Variants in PAMR1 observed in about 807,000 individuals in gnomAD.
PAMR1 encodes the protein inactive serine protease PAMR1.
In PAMR1, 88 loss-of-function variants were observed where a neutral mutation model predicts 81.8. The ratio of observed to expected loss-of-function variants is 1.08; its 90% CI spans 0.91 to 1.28. PAMR1 has a LOEUF of 1.28. Among genes scored for constraint, PAMR1 ranks in the 50% most tolerant of loss-of-function variants. The probability of loss-of-function intolerance (pLI) is 0.00; values close to 1 mark genes in which losing one functional copy is unlikely to be tolerated. For missense variants in PAMR1, 935 were observed against 919.7 expected (o/e 1.02, Z -0.21); for synonymous variants, 336 against 345.3 (o/e 0.97, Z 0.30).
Position 35,492,028 on chromosome 11 carries a change from G to C in PAMR1, c.379+17C>G. 1 of 1,604,532 alleles carries C rather than the reference G, an allele frequency of 6.2e-7. No individual in the cohort carries two copies. Among genetic ancestry groups the C allele is most frequent in the Non-Finnish European group, 8.5e-7 (1 of 1,175,270 alleles). On this transcript the variant is annotated intron_variant, in intron 3 of 10. Coordinates refer to ENST00000619888, the MANE Select transcript of PAMR1 (RefSeq NM_001001991.3). ...ACAGTGTGCACTAGAGATGGAGCTA[G>C]GTCAAGGTCTACTTACGCATGCAGT... is the stretch of plus-strand genomic sequence containing the variant.
rs778375596 is a variant in PAMR1, at chr11:35,441,506, T to C, written c.1008A>G (p.Ser336=). The change falls in exon 7 of 11, where the codon TCA becomes TCG. Residue 336 remains serine, a synonymous_variant. Transcript: ENST00000619888. ...KRTCQQNGEW[S]GKQPICIKAC... is the part of the protein sequence containing the mutation. ...CTTTTATGCAGATGGGCTGTTTCCC[T>C]GACCACTCTCCATTCTGCTGGCAAG... 1 of 1,612,978 alleles carries C rather than the reference T, an allele frequency of 6.2e-7. No individual in the cohort carries two copies. The highest frequency in any genetic ancestry group is 2.2e-5 in the East Asian group (1 of 44,884).
chr11:35,451,587 T>C (rs1252882062), intron 6 of PAMR1, among the ~76,000 whole-genome samples: 1 of 152,206 alleles, frequency 6.6e-6, no homozygotes. Flanking sequence ...ATTATTTGGT[T>C]TTAAGTTATT....
intron 6 of PAMR1, 25 bp downstream of exon 6, chr11:35,467,976 A>G: frequency 7.0e-7 from 1 of 1,429,844 alleles, no homozygotes; most frequent in South Asian, 1.2e-5. Flanking sequence ...TGACACCTTA[A>G]CTCCCACTTA....
At chr11:35,524,759 G>A (rs1851353759) in intron 1 of PAMR1, among the ~76,000 whole-genome samples, 1 of 152,136 alleles carries the variant, frequency 6.6e-6, no homozygotes, top group Non-Finnish European at 1.5e-5. Context: ...CCTCGCTTCT[G>A]CCCTTAGCTG....
chr11:35,485,345 G>A lies in PAMR1; in HGVS notation c.379+6700C>T, dbSNP rs562298331. 3.9e-5 allele frequency among the ~76,000 whole-genome samples: 6 copies of A among 152,338 alleles called. No individual in the cohort carries two copies. In the South Asian group the frequency reaches 1.2e-3, roughly 32 times the overall value. On this transcript the variant is annotated intron_variant, in intron 3 of 10. Transcript: ENST00000619888. ...AAAAAGTGGCAAATCCTGGAAAGGA[G>A]CATATGGATGTATACTATTCTTTCA...
chr11:35,494,116 T>C lies in PAMR1; in HGVS notation c.230A>G (p.Asp77Gly). 6.2e-7 allele frequency: 1 copy of C among 1,613,858 alleles called. No homozygotes were observed. Among genetic ancestry groups the C allele is most frequent in the Non-Finnish European group, 8.5e-7 (1 of 1,179,920 alleles). Residue 77 changes from aspartate (D) to glycine (G), a missense_variant, in exon 2 of 11, where the codon GAC becomes GGC. Asp to Gly is a moderately conservative substitution (Grantham distance 94, BLOSUM62 -1). Coordinates refer to ENST00000619888, the MANE Select transcript of PAMR1 (RefSeq NM_001001991.3). Reference protein sequence around the residue: ...PCCRNEENECDSCLIHPGCTI... With the variant: ...PCCRNEENECGSCLIHPGCTI... The stretch of plus-strand genomic sequence containing the variant: ...CTCACCTGGGTGGATCAGGCAGGAG[T>C]CACACTCATTCTCCTCATTCCTGCA...
chr11:35,494,940 G>C (rs1310521049), intron 1 of PAMR1, among the ~76,000 whole-genome samples: 5 of 152,136 alleles, frequency 3.3e-5, no homozygotes, highest in Non-Finnish European at 7.3e-5. Flanking sequence ...CATCTCTTAG[G>C]TGTCTATGCT....
At chr11:35,467,807 T>C (rs934787536) in intron 6 of PAMR1, among the ~76,000 whole-genome samples, 194 bp downstream of exon 6, 2 of 152,152 alleles carry the variant, frequency 1.3e-5, no homozygotes, top group African/African-American at 2.4e-5. Flanking sequence ...TAGACAAACC[T>C]AGGAAGTTGA....
At chr11:35,528,559 T>C (rs1851424667), upstream of PAMR1, among the ~76,000 whole-genome samples, 3 of 152,364 alleles carry the variant, frequency 2.0e-5, no homozygotes, top group African/African-American at 7.2e-5. Context: ...GTAAGCACCA[T>C]GCACAAGTTA....
At chr11:35,513,915 C>T (rs1318515766) in intron 1 of PAMR1, among the ~76,000 whole-genome samples, 4 of 152,176 alleles carry the variant, frequency 2.6e-5, no homozygotes, top group Admixed American at 6.5e-5. Context: ...CAGGAGAATG[C>T]GTTACCAAAA....
chr11:35,442,846 T>C (rs1335100786), intron 6 of PAMR1, among the ~76,000 whole-genome samples: 4 of 152,080 alleles, frequency 2.6e-5, no homozygotes, highest in African/African-American at 9.7e-5. Context: ...CAAGCTGTCC[T>C]CCCACCTTGG....
Position 35,432,462 on chromosome 11 carries a change from A to G in PAMR1, c.2057T>C (p.Met686Thr). 1 of 1,614,226 alleles carries G rather than the reference A, an allele frequency of 6.2e-7. No individual in the cohort carries two copies. Among genetic ancestry groups the G allele is most frequent in the Non-Finnish European group, 8.5e-7 (1 of 1,180,040 alleles). ...RASPEPRWHL[M>T]GLVSWSYDKT... ...ATCATAGCTCCAGCTGACCAGTCCCATCAGATGCCAGCGTGGCTCAGGAGA... is the reference window on the plus strand; with the variant it reads ...ATCATAGCTCCAGCTGACCAGTCCCGTCAGATGCCAGCGTGGCTCAGGAGA... The change falls in exon 11 of 11, where the codon ATG becomes ACG. Residue 686 changes from methionine (M) to threonine (T), a missense_variant. By Grantham distance (81) the Met-to-Thr change is moderately conservative. Transcript: ENST00000619888.
chr11:35,528,709 C>T (rs889624368), upstream of PAMR1, among the ~76,000 whole-genome samples: 2 of 152,122 alleles, frequency 1.3e-5, no homozygotes, highest in African/African-American at 4.8e-5. Flanking sequence ...ACCTGTTTGG[C>T]TATTTGCTAA....
chr11:35,441,748 T>C, intron 6 of PAMR1, 55 bp from the exon 7 acceptor site: 2 of 1,195,004 alleles, frequency 1.7e-6, no homozygotes, highest in Non-Finnish European at 1.2e-6. Flanking sequence ...TATTCCATTT[T>C]AGAATAGAAT....
chr11:35,461,208 A>T (rs1037958004), intron 6 of PAMR1, among the ~76,000 whole-genome samples: 3 of 152,218 alleles, frequency 2.0e-5, no homozygotes, highest in Non-Finnish European at 2.9e-5. Flanking sequence ...CCAAAGCAAA[A>T]GCCAAAAGGC....
chr11:35,441,603 TG>T lies in PAMR1; in HGVS notation c.910del (p.His304MetfsTer40). ...TGGPGLINGR[H>X]AKIGTVVSFF... ...AGACACCACGGTGCCAATTTTAGCA[TG>T]GCGTCCGTTGATAAGCCCAGGGCCC... On this transcript the variant is annotated frameshift_variant, in exon 7 of 11. Coordinates refer to ENST00000619888, the MANE Select transcript of PAMR1 (RefSeq NM_001001991.3). LOFTEE classifies it high-confidence loss of function. 5 of 1,614,090 alleles carry T rather than the reference TG, an allele frequency of 3.1e-6. No homozygotes were observed. The highest frequency in any genetic ancestry group is 4.2e-6 in the Non-Finnish European group (5 of 1,179,946).
chr11:35,449,523 CTG>C (rs2135352055), intron 6 of PAMR1, among the ~76,000 whole-genome samples: 1 of 152,348 alleles, frequency 6.6e-6, no homozygotes, highest in Non-Finnish European at 1.5e-5. Context: ...CTGTGCTGCA[CTG>C]TGAGGAATTC....
At chr11:35,450,428 A>C (rs1355756403) in intron 6 of PAMR1, among the ~76,000 whole-genome samples, 1 of 152,236 alleles carries the variant, frequency 6.6e-6, no homozygotes, top group East Asian at 1.9e-4. Flanking sequence ...CTGTTTAAAA[A>C]TACTGTGATG....
chr11:35,479,582 T>TGAG (rs1439739533), intron 3 of PAMR1, among the ~76,000 whole-genome samples: 1 of 152,220 alleles, frequency 6.6e-6, no homozygotes, highest in Non-Finnish European at 1.5e-5. Context: ...TCTGACCCAC[T>TGAG]GCTCCAGGGC....
Sources: gnomAD v4.1 joint callset for allele counts (sites outside exome capture counted in the v4.1 genomes callset) on GRCh38, gnomAD v4.1.1 for gene constraint, MANE v1.5 for transcripts, NCBI Gene and HGNC (gene_info 2026-07-23, HGNC 2026-07-21) for gene names.